The following ADARB2 variants were observed in gnomAD, a reference collection of about 807,000 sequenced individuals.
ADARB2 encodes the protein adenosine deaminase RNA specific B2 (inactive).
In ADARB2, 25 loss-of-function variants were observed where a neutral mutation model predicts 62.2. The observed-to-expected ratio is 0.40, with a 90% CI of 0.29 to 0.56. The LOEUF is 0.56. ADARB2 is among the 20% of genes least tolerant of loss of function. The pLI is 0.43. For synonymous variants in ADARB2, 572 were observed against 500.8 expected (o/e 1.14, Z -1.90); for missense variants, 1,071 against 1,077.4 (o/e 0.99, Z 0.08).
At chr10:1,458,148 G>T (rs1831120285) in intron 1 of ADARB2, among the ~76,000 whole-genome samples, 1 of 152,158 alleles carries the variant, frequency 6.6e-6, no homozygotes, top group African/African-American at 2.4e-5. Context: ...CTCAATGGAG[G>T]TGTCACTGTG....
chr10:1,303,325 A>G lies in ADARB2; in HGVS notation c.1078-32256T>C, dbSNP rs368121698. ...AAATGAAGCGAGAAGGAAAGTTTAG[A>G]GAAAAAAGAATAAAAAGAAATGAGC... On this transcript the variant is annotated intron_variant, in intron 3 of 9. Coordinates refer to ENST00000381312, the MANE Select transcript of ADARB2 (RefSeq NM_018702.4). Among the ~76,000 whole-genome samples, 19 of 152,198 alleles carry G rather than the reference A, an allele frequency of 1.2e-4. No individual in the cohort carries two copies. In the East Asian group the frequency reaches 2.7e-3, roughly 22 times the overall value.
intron 3 of ADARB2, among the ~76,000 whole-genome samples, chr10:1,321,675 G>A (rs1448543250): frequency 6.6e-6 from 1 of 152,164 alleles, no homozygotes; most frequent in Non-Finnish European, 1.5e-5. Context: ...GTGAGCCACC[G>A]TGCTACTGAT....
intron 1 of ADARB2, among the ~76,000 whole-genome samples, chr10:1,530,937 T>G (rs988528307): frequency 2.1e-4 from 32 of 151,020 alleles, no homozygotes; most frequent in African/African-American, 7.8e-4. Flanking sequence ...CACCCAGCAC[T>G]CAGGTCTCAG....
intron 2 of ADARB2, among the ~76,000 whole-genome samples, chr10:1,368,175 G>A (rs1280486519): frequency 6.8e-6 from 1 of 147,440 alleles, no homozygotes; most frequent in Non-Finnish European, 1.5e-5. Flanking sequence ...CTGCTCCATC[G>A]TCCAGGGGTA....
rs117802994 is a variant in ADARB2, at chr10:1,630,136, C to A, written c.100+106915G>T. ...CCAGGTCCTTTGGCTTTGAGTGTTT[C>A]ATCTTAGAAATAGGAGATAATTATT... On this transcript the variant is annotated intron_variant, in intron 1 of 9. Coordinates refer to ENST00000381312, the MANE Select transcript of ADARB2 (RefSeq NM_018702.4). Among the ~76,000 whole-genome samples the A allele has an allele frequency of 6.1e-3, 936 of 152,274 alleles. 24 individuals are homozygous for A. The highest frequency in any genetic ancestry group is 0.045 in the Admixed American group (695 of 15,282).
chr10:1,697,441 C>T (rs11250742), intron 1 of ADARB2, among the ~76,000 whole-genome samples: 14,904 of 152,184 alleles, frequency 0.098, 973 homozygotes, highest in Non-Finnish European at 0.15. Context: ...CTCAAACCTG[C>T]CCCATCACTG....
chr10:1,249,354 A>G (rs1341838676), intron 4 of ADARB2, among the ~76,000 whole-genome samples: 1 of 151,514 alleles, frequency 6.6e-6, no homozygotes, highest in Admixed American at 6.6e-5. Flanking sequence ...AGGTGGGAGG[A>G]TCACTTGAGC....
intron 3 of ADARB2, among the ~76,000 whole-genome samples, chr10:1,300,396 C>T (rs1831562557): frequency 1.3e-5 from 2 of 152,174 alleles, no homozygotes; most frequent in African/African-American, 4.8e-5. Flanking sequence ...GATGCCAGCT[C>T]CACGCCCCCC....
intron 1 of ADARB2, among the ~76,000 whole-genome samples, chr10:1,420,970 C>T (rs1343659309): frequency 6.6e-6 from 1 of 152,014 alleles, no homozygotes; most frequent in Non-Finnish European, 1.5e-5. Flanking sequence ...CTCGGTTCTC[C>T]TTCCTCTCTC....
rs536385858 is a variant in ADARB2, at chr10:1,214,607, A to C, written c.1682+2344T>G. On this transcript the variant is annotated intron_variant, in intron 7 of 9. Transcript: ENST00000381312. ...TTTAGTCCACCATCTATGGATGTTGAAGATCCCAGGGACGGCCAAGTTTCA... is the reference window on the plus strand; with the variant it reads ...TTTAGTCCACCATCTATGGATGTTGCAGATCCCAGGGACGGCCAAGTTTCA... Among the ~76,000 whole-genome samples the C allele has an allele frequency of 2.0e-5, 3 of 152,316 alleles. 1 individual carries two copies. In the South Asian group the frequency reaches 6.2e-4, roughly 32 times the overall value.
At chr10:1,359,758 C>G (rs1832234018) in intron 3 of ADARB2, among the ~76,000 whole-genome samples, 1 of 152,212 alleles carries the variant, frequency 6.6e-6, no homozygotes, top group South Asian at 2.1e-4. Flanking sequence ...GTGAGCAGCA[C>G]CATGACAAGC....
intron 1 of ADARB2, among the ~76,000 whole-genome samples, chr10:1,589,499 T>C (rs1392757359): frequency 6.6e-6 from 1 of 151,884 alleles, no homozygotes; most frequent in Non-Finnish European, 1.5e-5. Context: ...GGTCAGGACA[T>C]CCACGGTCGG....
At chr10:1,609,265 T>A (rs1833537444) in intron 1 of ADARB2, among the ~76,000 whole-genome samples, 1 of 152,164 alleles carries the variant, frequency 6.6e-6, no homozygotes, top group Non-Finnish European at 1.5e-5. Context: ...CACTAATGAG[T>A]TCATTTTCAA....
At chr10:1,532,720 T>G (rs1427751115) in intron 1 of ADARB2, among the ~76,000 whole-genome samples, 1 of 152,144 alleles carries the variant, frequency 6.6e-6, no homozygotes, top group Non-Finnish European at 1.5e-5. Context: ...TTTAGGGGGA[T>G]GTGACCGCTG....
At chr10:1,320,427 G>A (rs1831784752) in intron 3 of ADARB2, among the ~76,000 whole-genome samples, 1 of 152,202 alleles carries the variant, frequency 6.6e-6, no homozygotes, top group South Asian at 2.1e-4. Flanking sequence ...TTTTAGGGGT[G>A]TTGGGCTTAC....
At chr10:1,262,013 A>G (rs1390787586) in intron 4 of ADARB2, among the ~76,000 whole-genome samples, 1 of 148,188 alleles carries the variant, frequency 6.7e-6, no homozygotes, top group African/African-American at 2.6e-5. Context: ...GAAATTGGAA[A>G]TCATCATTCT....
intron 1 of ADARB2, among the ~76,000 whole-genome samples, chr10:1,683,928 C>T (rs1433592167): frequency 6.6e-6 from 1 of 152,232 alleles, no homozygotes; most frequent in African/African-American, 2.4e-5. Context: ...AAGGTGCCCT[C>T]TCAAAAGGAC....
chr10:1,417,748 C>G (rs1325045729), intron 1 of ADARB2, among the ~76,000 whole-genome samples: 4 of 152,188 alleles, frequency 2.6e-5, no homozygotes, highest in African/African-American at 9.7e-5. Context: ...GGACTCAGCG[C>G]CCTGCCTGGC....
Position 1,379,224 on chromosome 10 carries a change from A to G in ADARB2, c.101-64T>C, listed in dbSNP as rs370904920. Reference sequence around the variant, plus strand: ...AGTTGCGGAAAAACTCAATGCTTTTATAAGTTCTTATTACTGAATGTTGGA... The same window carrying G: ...AGTTGCGGAAAAACTCAATGCTTTTGTAAGTTCTTATTACTGAATGTTGGA... On this transcript the variant is annotated intron_variant, in intron 1 of 9. Transcript: ENST00000381312. The G allele has an allele frequency of 2.9e-5, 38 of 1,317,442 alleles. 1 individual carries two copies. In the South Asian group the frequency reaches 4.6e-4, roughly 16 times the overall value. 81.6% of individuals were successfully genotyped at this position (1,317,442 alleles called of 1,614,324 possible). A position where few individuals can be genotyped will look rare whatever the true frequency, so the allele number is the denominator to read the frequency against.
Sources: gnomAD v4.1 joint callset for allele counts (sites outside exome capture counted in the v4.1 genomes callset) on GRCh38, gnomAD v4.1.1 for gene constraint, MANE v1.5 for transcripts, NCBI Gene and HGNC (gene_info 2026-07-23, HGNC 2026-07-21) for gene names.